PLPPR1: variants seen among roughly 807,000 people sequenced by gnomAD.
PLPPR1 encodes the protein phospholipid phosphatase-related protein type 1.
A neutral mutation model predicts 33.1 loss-of-function variants in PLPPR1; 10 were observed. That is an observed-to-expected ratio of 0.30 (90% CI 0.19 to 0.51). The LOEUF is 0.51. Ranked by LOEUF, PLPPR1 falls within the 20% of genes least tolerant of loss-of-function variation. The pLI, the probability that PLPPR1 is intolerant of heterozygous loss-of-function variation, is 0.97. For missense variants in PLPPR1, 304 were observed against 408.1 expected, an observed-to-expected ratio of 0.74 and a Z score of 2.20; for synonymous variants, 151 against 151.0, an observed-to-expected ratio of 1.00 and a Z score of 0.00.
At chr9:101,186,093 T>A (rs527677360) in intron 2 of PLPPR1, among the ~76,000 whole-genome samples, 1 of 152,018 alleles carries the variant, frequency 6.6e-6, no homozygotes, top group South Asian at 2.1e-4. Flanking sequence ...ATTACTTTGT[T>A]CAGTTGCTCC....
intron 4 of PLPPR1, among the ~76,000 whole-genome samples, chr9:101,290,223 G>A (rs538592998): frequency 6.0e-4 from 91 of 152,274 alleles, no homozygotes; most frequent in Non-Finnish European, 9.7e-4. Context: ...GAGCTTAACC[G>A]TCTTTTTTCT....
At chr9:101,237,771 C>A (rs1827336528) in intron 2 of PLPPR1, among the ~76,000 whole-genome samples, 1 of 132,538 alleles carries the variant, frequency 7.5e-6, no homozygotes, top group African/African-American at 2.8e-5. Flanking sequence ...TATATATATT[C>A]CATTGTGTAT....
At chr9:101,290,673 A>C (rs7018478) in intron 4 of PLPPR1, among the ~76,000 whole-genome samples, 2 of 152,116 alleles carry the variant, frequency 1.3e-5, no homozygotes, top group Non-Finnish European at 2.9e-5. Flanking sequence ...AGATATCTCT[A>C]ATTTTTTTAA....
chr9:101,273,368 T>C (rs895407263), intron 3 of PLPPR1, among the ~76,000 whole-genome samples: 1 of 152,238 alleles, frequency 6.6e-6, no homozygotes, highest in South Asian at 2.1e-4. Context: ...CCGGAAACTA[T>C]GCCTATGGAG....
rs892388375 is a variant in PLPPR1, at chr9:101,102,166, T to TTA, written c.-46+73065_-46+73066dup. The stretch of plus-strand genomic sequence containing the variant: ...TTTTTTTTTATTTTATTATTATACT[T>TTA]TAAGTTTTAGGGTACATGTGCACAT... On this transcript the variant is annotated intron_variant, in intron 1 of 7. Coordinates refer to ENST00000374874, the MANE Select transcript of PLPPR1 (RefSeq NM_207299.2). Among the ~76,000 whole-genome samples the TTA allele has an allele frequency of 1.9e-4, 26 of 134,060 alleles. 1 individual carries two copies. Among genetic ancestry groups the TTA allele is most frequent in the African/African-American group, 7.8e-4 (26 of 33,390 alleles). 87.9% of individuals were successfully genotyped at this position (134,060 alleles called of 152,430 possible).
At chr9:101,246,010 G>A (rs558256359) in intron 2 of PLPPR1, among the ~76,000 whole-genome samples, 27 of 145,298 alleles carry the variant, frequency 1.9e-4, no homozygotes, top group Non-Finnish European at 3.3e-4. Flanking sequence ...GGGTCAAAGG[G>A]CTACTTGACC....
At chr9:101,186,328 G>GTT (rs950461644) in intron 2 of PLPPR1, among the ~76,000 whole-genome samples, 1 of 150,576 alleles carries the variant, frequency 6.6e-6, no homozygotes, top group East Asian at 2.0e-4. Context: ...TAGTGGATCG[G>GTT]TTTTTTTTTA....
chr9:101,032,251 G>A (rs1470059231), intron 1 of PLPPR1, among the ~76,000 whole-genome samples: 1 of 152,160 alleles, frequency 6.6e-6, no homozygotes, highest in Non-Finnish European at 1.5e-5. Context: ...TTGTTTGAAA[G>A]TTGAGAAAGT....
chr9:101,316,916 G>A (rs114206150), intron 6 of PLPPR1, among the ~76,000 whole-genome samples: 5,499 of 152,050 alleles, frequency 0.036, 345 homozygotes, highest in African/African-American at 0.12. Flanking sequence ...TGTGACCTTG[G>A]GCAAGTTAGA....
chr9:101,029,813 G>A (rs537323495), intron 1 of PLPPR1, among the ~76,000 whole-genome samples: 8 of 152,340 alleles, frequency 5.3e-5, no homozygotes, highest in Admixed American at 1.3e-4. Context: ...CAGGGAAGGT[G>A]CTGTCTTCAC....
chr9:101,096,347 G>A (rs1238079443), intron 1 of PLPPR1, among the ~76,000 whole-genome samples: 2 of 152,168 alleles, frequency 1.3e-5, no homozygotes, highest in African/African-American at 4.8e-5. Flanking sequence ...GCATGGATTG[G>A]TTAGCAATGC....
intron 1 of PLPPR1, among the ~76,000 whole-genome samples, chr9:101,168,421 A>T (rs1825891942): frequency 6.6e-6 from 1 of 152,100 alleles, no homozygotes; most frequent in South Asian, 2.1e-4. Flanking sequence ...ATTCCTTATG[A>T]CTAGAAATCC....
intron 1 of PLPPR1, among the ~76,000 whole-genome samples, chr9:101,132,680 G>A (rs953736932): frequency 2.6e-5 from 4 of 152,182 alleles, no homozygotes; most frequent in Non-Finnish European, 4.4e-5. Context: ...TGATGTGTCA[G>A]TGTAAGTTTA....
intron 1 of PLPPR1, among the ~76,000 whole-genome samples, chr9:101,045,556 C>G (rs1830133663): frequency 6.6e-6 from 1 of 152,140 alleles, no homozygotes; most frequent in African/African-American, 2.4e-5. Context: ...GATTAGAGAT[C>G]TGAAATGATT....
At chr9:101,265,233 T>G (rs1015388879) in intron 2 of PLPPR1, among the ~76,000 whole-genome samples, 1 of 152,216 alleles carries the variant, frequency 6.6e-6, no homozygotes, top group Non-Finnish European at 1.5e-5. Flanking sequence ...TTCTGAAGCC[T>G]CGTGGAATGA....
At chr9:101,263,532 A>G (rs1248210787) in intron 2 of PLPPR1, among the ~76,000 whole-genome samples, 1 of 152,218 alleles carries the variant, frequency 6.6e-6, no homozygotes, top group Non-Finnish European at 1.5e-5. Context: ...TTTTTGTGAG[A>G]CGATTATTAA....
intron 7 of PLPPR1, 81 bp downstream of exon 7, chr9:101,317,577 A>T (rs1219472291): frequency 7.4e-7 from 1 of 1,344,854 alleles, no homozygotes; most frequent in African/African-American, 1.5e-5. Flanking sequence ...AATACCACTT[A>T]ATCTACCCAG....
At chr9:101,163,020 A>C (rs76776167) in intron 1 of PLPPR1, among the ~76,000 whole-genome samples, 2,490 of 152,278 alleles carry the variant, frequency 0.016, 68 homozygotes, top group African/African-American at 0.057. Flanking sequence ...AGGAAAAATA[A>C]TTGTCGAAAT....
Position 101,317,521 on chromosome 9 carries a change from C to T in PLPPR1, c.945+25C>T, listed in dbSNP as rs1015783075. 4.4e-6 allele frequency: 7 copies of T among 1,607,356 alleles called. No homozygotes were observed. In the South Asian group the frequency reaches 7.8e-5, roughly 18 times the overall value. ...GGTATGGTAAAGCAGTTTTAGCAAA[C>T]CAAACCCACAGGCTGAACACTTTGG... On this transcript the variant is annotated intron_variant, in intron 7 of 7. Transcript: ENST00000374874.
Sources: gnomAD v4.1 joint callset for allele counts (sites outside exome capture counted in the v4.1 genomes callset) on GRCh38, gnomAD v4.1.1 for gene constraint, MANE v1.5 for transcripts, NCBI Gene and HGNC (gene_info 2026-07-23, HGNC 2026-07-21) for gene names.